WAC: variants seen among roughly 807,000 people sequenced by gnomAD.
The protein encoded by WAC is WW domain containing adaptor with coiled-coil, also known as WW domain-containing adapter protein with coiled-coil.
In WAC, 11 loss-of-function variants were observed where a neutral mutation model predicts 79.6. The ratio of observed to expected loss-of-function variants is 0.14; its 90% CI spans 0.09 to 0.23. The LOEUF (loss-of-function observed/expected upper bound fraction) is 0.23. Ranked by LOEUF, WAC falls within the 10% of genes least tolerant of loss-of-function variation. The pLI, the probability that WAC is intolerant of heterozygous loss-of-function variation, is 1.00. For missense variants in WAC, 728 were observed against 773.5 expected (o/e 0.94, Z 0.70); for synonymous variants, 304 against 276.9 (o/e 1.10, Z -0.97).
rs1369086764 is a variant in WAC, at chr10:28,538,240, A to G, written c.274+2483A>G. 6 of 227,704 alleles carry G rather than the reference A, an allele frequency of 2.6e-5. No individual in the cohort carries two copies. The East Asian group carries it at 9.1e-4, about 34-fold the overall frequency. 14.1% of individuals were successfully genotyped at this position (227,704 alleles called of 1,614,324 possible). A position where few individuals can be genotyped will look rare whatever the true frequency, so the allele number is the denominator to read the frequency against. On this transcript the variant is annotated intron_variant, in intron 3 of 13. Transcript: ENST00000354911. ...TGGCACTAAGATGTTAAAAGTGTAT[A>G]TGTATGATTTTTATTGCAGGCATTA...
chr10:28,535,015 A>G (rs760132633), intron 2 of WAC, among the ~76,000 whole-genome samples: 17 of 152,046 alleles, frequency 1.1e-4, no homozygotes, highest in Non-Finnish European at 2.2e-4. Flanking sequence ...TATTTTGGTT[A>G]GTATTTTTAT....
intron 3 of WAC, among the ~76,000 whole-genome samples, chr10:28,549,001 T>G (rs1837518571): frequency 6.6e-6 from 1 of 152,190 alleles, no homozygotes; most frequent in African/African-American, 2.4e-5. Context: ...TGGGCTCAAG[T>G]GATCCTCTTG....
chr10:28,594,764 A>T (rs1250660931), intron 6 of WAC, among the ~76,000 whole-genome samples: 1 of 152,240 alleles, frequency 6.6e-6, no homozygotes, highest in Admixed American at 6.5e-5. Flanking sequence ...ATTATTGTAC[A>T]TCACATGCTT....
intron 3 of WAC, among the ~76,000 whole-genome samples, chr10:28,547,158 G>A (rs2807760): frequency 2.5e-4 from 38 of 152,052 alleles, no homozygotes; most frequent in African/African-American, 8.7e-4. Context: ...TGGCAGATGG[G>A]ATTATTTTAT....
chr10:28,535,917 A>C (rs1280542132), intron 3 of WAC, 160 bp downstream of exon 3: 1 of 656,148 alleles, frequency 1.5e-6, no homozygotes, highest in African/African-American at 1.9e-5. Context: ...AAGTTACTGT[A>C]GAAACAAGAT....
At chr10:28,605,954 G>A (rs1401154666) in intron 7 of WAC, among the ~76,000 whole-genome samples, 1 of 152,100 alleles carries the variant, frequency 6.6e-6, no homozygotes, top group African/African-American at 2.4e-5. Context: ...CCCAAGTTGT[G>A]TGTGAAAGAA....
At chr10:28,594,400 TA>T (rs1564407405) in intron 6 of WAC, among the ~76,000 whole-genome samples, 1 of 152,234 alleles carries the variant, frequency 6.6e-6, no homozygotes, top group Non-Finnish European at 1.5e-5. Context: ...TAAAACTTTT[TA>T]AATTTTATGT....
At chr10:28,538,054 A>G (rs1836776910) in intron 3 of WAC, among the ~76,000 whole-genome samples, 1 of 152,182 alleles carries the variant, frequency 6.6e-6, no homozygotes. Context: ...TTATATGGAA[A>G]TAATAATATG....
At chr10:28,609,267 G>A (rs1302933257) in intron 8 of WAC, among the ~76,000 whole-genome samples, 1 of 152,190 alleles carries the variant, frequency 6.6e-6, no homozygotes, top group African/African-American at 2.4e-5. Context: ...GGAGGCTGAG[G>A]TACGAGAATC....
intron 6 of WAC, 25 bp from the exon 7 acceptor site, chr10:28,595,708 T>C (rs1271616019): frequency 1.2e-6 from 2 of 1,600,058 alleles, no homozygotes; most frequent in Non-Finnish European, 1.7e-6. Context: ...TTCCAACATC[T>C]GTTTTTTCGA....
At chr10:28,607,952 G>A (rs1012440077) in intron 7 of WAC, among the ~76,000 whole-genome samples, 1 of 152,148 alleles carries the variant, frequency 6.6e-6, no homozygotes. Flanking sequence ...TATGGCTTCA[G>A]GTTATCTAAC....
At chr10:28,556,045 T>C (rs1434146502) in intron 3 of WAC, among the ~76,000 whole-genome samples, 1 of 152,190 alleles carries the variant, frequency 6.6e-6, no homozygotes, top group African/African-American at 2.4e-5. Flanking sequence ...CCTGATCAGA[T>C]ATCGAGCATA....
chr10:28,622,562 A>G lies in WAC; in HGVS notation c.*2956A>G, dbSNP rs1175261495. On this transcript the variant is annotated 3_prime_UTR_variant, in exon 14 of 14. Transcript: ENST00000354911. ...AAGAACCAGCTTTCCTACGCTTTTT[A>G]TTTTTCTAACTTGTCTAACCTGATT... The G allele has an allele frequency of 1.3e-5, 2 of 151,506 alleles. No homozygotes were observed. The highest frequency in any genetic ancestry group is 2.1e-4 in the South Asian group (1 of 4,820). 9.4% of individuals were successfully genotyped at this position (151,506 alleles called of 1,614,324 possible).
intron 1 of WAC, 21 bp downstream of exon 1, chr10:28,533,641 G>A (rs953330286): frequency 3.8e-6 from 6 of 1,599,686 alleles, no homozygotes; most frequent in Non-Finnish European, 5.1e-6. Context: ...TTTTCGTTTC[G>A]GGCCGGGCGG....
At chr10:28,589,444 G>T in intron 4 of WAC, 1 of 189,166 alleles carries the variant, frequency 5.3e-6, no homozygotes, top group Non-Finnish European at 1.1e-5. Context: ...AATTGTGGTG[G>T]GAGATTTTGT....
intron 9 of WAC, 192 bp downstream of exon 9, chr10:28,611,013 A>T (rs1014075383): frequency 3.0e-5 from 19 of 640,200 alleles, no homozygotes; most frequent in Non-Finnish European, 3.9e-5. Flanking sequence ...TTTTTAGATG[A>T]AGCAAGCTTT....
chr10:28,615,607 G>T (rs1841434481), intron 11 of WAC: 1 of 152,086 alleles, frequency 6.6e-6, no homozygotes, highest in South Asian at 2.1e-4. Flanking sequence ...AAATTTTTTG[G>T]TTCTCACCAC....
At chr10:28,545,022 C>CA (rs1589132229) in intron 3 of WAC, among the ~76,000 whole-genome samples, 1 of 128,036 alleles carries the variant, frequency 7.8e-6, no homozygotes, top group East Asian at 2.3e-4. Flanking sequence ...GCCTGGGTGA[C>CA]AGAGTGAGAC....
intron 3 of WAC, among the ~76,000 whole-genome samples, chr10:28,550,153 C>T (rs1837578886): frequency 7.3e-6 from 1 of 137,358 alleles, no homozygotes. Context: ...GGTGATAATG[C>T]AAGACTCAGT....
Sources: allele counts gnomAD v4.1 joint callset (sites outside exome capture counted in the v4.1 genomes callset), GRCh38; gene constraint gnomAD v4.1.1; transcripts MANE v1.5; gene names NCBI Gene and HGNC (gene_info 2026-07-23, HGNC 2026-07-21).